CACNG2: variants seen among roughly 807,000 people sequenced by gnomAD.
CACNG2 encodes voltage-dependent calcium channel gamma-2 subunit.
CACNG2 carries 3 observed loss-of-function variants against 25.9 expected under a neutral mutation model. The observed-to-expected ratio is 0.12, with a 90% CI of 0.05 to 0.30. The LOEUF (loss-of-function observed/expected upper bound fraction) is 0.30, where lower values mean the gene tolerates loss of function less well. Among genes scored for constraint, CACNG2 ranks in the 10% least tolerant of loss-of-function variants. The pLI is 1.00. For missense variants in CACNG2, 341 were observed against 432.5 expected, an observed-to-expected ratio of 0.79 and a Z score of 1.88; for synonymous variants, 167 against 173.3, an observed-to-expected ratio of 0.96 and a Z score of 0.29.
chr22:36,561,319 TC>T lies in CACNG2; in HGVS notation c.*3031del, dbSNP rs1935024911. ...CTTCTCCCTTCGCTCTCATCCTTGATCCCTTTAGGTCTGGAATCTGGTGGGA... is the reference window on the plus strand; with the variant it reads ...CTTCTCCCTTCGCTCTCATCCTTGATCCTTTAGGTCTGGAATCTGGTGGGA... On this transcript the variant is annotated 3_prime_UTR_variant, in exon 4 of 4. Coordinates refer to ENST00000300105, the MANE Select transcript of CACNG2 (RefSeq NM_006078.5). The T allele has an allele frequency of 6.6e-6, 1 of 152,264 alleles. No individual in the cohort carries two copies. Among genetic ancestry groups the T allele is most frequent in the Admixed American group, 6.5e-5 (1 of 15,284 alleles). 9.4% of individuals were successfully genotyped at this position (152,264 alleles called of 1,614,324 possible). A position where few individuals can be genotyped will look rare whatever the true frequency, so the allele number is the denominator to read the frequency against.
chr22:36,605,883 A>G (rs1254500706), intron 1 of CACNG2, among the ~76,000 whole-genome samples: 2 of 152,154 alleles, frequency 1.3e-5, no homozygotes, highest in Admixed American at 1.3e-4. Flanking sequence ...ATCCTATGAA[A>G]CAGGATGGTT....
intron 1 of CACNG2, among the ~76,000 whole-genome samples, chr22:36,659,876 T>A (rs759203178): frequency 3.0e-4 from 45 of 152,064 alleles, no homozygotes; most frequent in Non-Finnish European, 6.0e-4. Context: ...CTCTTGCCTC[T>A]GGCTGCCTGA....
intron 2 of CACNG2, among the ~76,000 whole-genome samples, chr22:36,582,406 CTTTCTT>C (rs1935433108): frequency 1.0e-5 from 1 of 96,726 alleles, no homozygotes; most frequent in Non-Finnish European, 2.5e-5. Context: ...CTCTTTCTTT[CTTTCTT>C]TTTTTTTTTT....
In CACNG2 at chr22:36,679,197, C is replaced by CCTTTCTTTCTTTCTTTCTTTCTTT. The variant is rs1241104277; in HGVS notation, c.211+23145_211+23168dup. ...TCCTTCCTTCCTTCCTTCCTTCCTTCCTTTCTTTCTTTCTTTCTTTCTTTC... is the reference window on the plus strand; with the variant it reads ...TCCTTCCTTCCTTCCTTCCTTCCTTCCTTTCTTTCTTTCTTTCTTTCTTTCTTTCTTTCTTTCTTTCTTTCTTTC... On this transcript the variant is annotated intron_variant, in intron 1 of 3. Coordinates refer to ENST00000300105, the MANE Select transcript of CACNG2 (RefSeq NM_006078.5). Among the ~76,000 whole-genome samples the CCTTTCTTTCTTTCTTTCTTTCTTT allele has an allele frequency of 1.7e-3, 91 of 54,800 alleles. 3 individuals are homozygous for CCTTTCTTTCTTTCTTTCTTTCTTT. The highest frequency in any genetic ancestry group is 6.1e-3 in the African/African-American group (89 of 14,476). The allele number at this position is 54,800 out of a possible 152,430, so 36.0% of individuals were successfully genotyped here.
chr22:36,664,791 C>A (rs1275760389), intron 1 of CACNG2, among the ~76,000 whole-genome samples: 2 of 152,200 alleles, frequency 1.3e-5, no homozygotes, highest in African/African-American at 4.8e-5. Flanking sequence ...TAAGCATCAT[C>A]TCCTAATGTT....
intron 1 of CACNG2, among the ~76,000 whole-genome samples, chr22:36,645,910 C>G (rs1401419448): frequency 6.6e-6 from 1 of 152,154 alleles, no homozygotes; most frequent in African/African-American, 2.4e-5. Flanking sequence ...TATAAAATTA[C>G]CTGCATAGAG....
chr22:36,666,624 A>G (rs1337014415), intron 1 of CACNG2, among the ~76,000 whole-genome samples: 1 of 152,010 alleles, frequency 6.6e-6, no homozygotes, highest in African/African-American at 2.4e-5. Flanking sequence ...ACATGAAGGT[A>G]TCTAATGCCA....
intron 1 of CACNG2, among the ~76,000 whole-genome samples, chr22:36,688,488 C>A (rs1937228801): frequency 6.9e-6 from 1 of 143,964 alleles, no homozygotes; most frequent in Non-Finnish European, 1.5e-5. Flanking sequence ...TGCAGTGAGC[C>A]ATGATTGCAC....
chr22:36,606,837 CTG>C lies in CACNG2; in HGVS notation c.212-19291_212-19290del, dbSNP rs149028841. ...GTGTGATGTGTGTGTCTGTGGGTCT[CTG>C]TGTGTGTGTATGTATGTGTACGTGT... On this transcript the variant is annotated intron_variant, in intron 1 of 3. Transcript: ENST00000300105. The surrounding 1 kb of genome is among the most constrained non-coding windows in gnomAD (Gnocchi z 5.7). Among the ~76,000 whole-genome samples, 9 of 148,212 alleles carry C rather than the reference CTG, an allele frequency of 6.1e-5. No individual in the cohort carries two copies. The highest frequency in any genetic ancestry group is 1.8e-4 in the African/African-American group (7 of 39,944).
chr22:36,568,464 G>C (rs1436630136), intron 2 of CACNG2, among the ~76,000 whole-genome samples: 2 of 151,964 alleles, frequency 1.3e-5, no homozygotes, highest in African/African-American at 4.8e-5. Context: ...GAGTGTAGTG[G>C]TGTGATCTCG....
chr22:36,596,350 C>T (rs1483941141), intron 1 of CACNG2, among the ~76,000 whole-genome samples: 1 of 152,204 alleles, frequency 6.6e-6, no homozygotes, highest in Non-Finnish European at 1.5e-5. Flanking sequence ...ACCCCAGCCC[C>T]CTGGGGCACA....
At chr22:36,668,049 GGCA>G (rs1936897487) in intron 1 of CACNG2, among the ~76,000 whole-genome samples, 1 of 152,206 alleles carries the variant, frequency 6.6e-6, no homozygotes, top group Non-Finnish European at 1.5e-5. Context: ...CAGTCTCTGA[GGCA>G]GGTGATACTA....
At chr22:36,648,355 A>C (rs1223312941) in intron 1 of CACNG2, among the ~76,000 whole-genome samples, 1 of 152,260 alleles carries the variant, frequency 6.6e-6, no homozygotes, top group Non-Finnish European at 1.5e-5. Flanking sequence ...CCAATTCTTT[A>C]TCAGTGAAAT....
Position 36,563,372 on chromosome 22 carries a change from G to A in CACNG2, c.*979C>T, listed in dbSNP as rs990352245. ...AGAGCTGTTTCATGTCCCCCGGGGGGGGGGGTGGCATCTCCTGACCCCAAG... is the reference window on the plus strand; with the variant it reads ...AGAGCTGTTTCATGTCCCCCGGGGGAGGGGGTGGCATCTCCTGACCCCAAG... On this transcript the variant is annotated 3_prime_UTR_variant, in exon 4 of 4. Coordinates refer to ENST00000300105, the MANE Select transcript of CACNG2 (RefSeq NM_006078.5). 8.6e-5 allele frequency among the ~76,000 whole-genome samples: 13 copies of A among 151,858 alleles called. No individual in the cohort carries two copies. Among genetic ancestry groups the A allele is most frequent in the Non-Finnish European group, 1.6e-4 (11 of 67,898 alleles).
intron 1 of CACNG2, among the ~76,000 whole-genome samples, chr22:36,598,843 G>A (rs1420869821): frequency 6.6e-6 from 1 of 152,010 alleles, no homozygotes; most frequent in Non-Finnish European, 1.5e-5. Context: ...GCCAAGTGTG[G>A]TGGCACGCGC....
chr22:36,643,508 C>T (rs1346790476), intron 1 of CACNG2, among the ~76,000 whole-genome samples: 1 of 151,900 alleles, frequency 6.6e-6, no homozygotes, highest in East Asian at 1.9e-4. Context: ...ATCTATCTAT[C>T]TATCTATCTA....
chr22:36,599,581 T>C (rs1478611764), intron 1 of CACNG2, among the ~76,000 whole-genome samples: 3 of 152,102 alleles, frequency 2.0e-5, no homozygotes, highest in African/African-American at 7.2e-5. Flanking sequence ...ACACCTGTAG[T>C]CCCAGCTACT....
intron 1 of CACNG2, among the ~76,000 whole-genome samples, chr22:36,607,824 C>T (rs1001014842): frequency 2.0e-5 from 3 of 152,186 alleles, no homozygotes; most frequent in Admixed American, 6.5e-5. Flanking sequence ...CTCATCTTCT[C>T]AGCTCTGACT....
intron 1 of CACNG2, among the ~76,000 whole-genome samples, chr22:36,599,525 T>A (rs1935723575): frequency 6.6e-6 from 1 of 151,882 alleles, no homozygotes; most frequent in Non-Finnish European, 1.5e-5. Context: ...CATGGCGAAA[T>A]CCTGTCTCTA....
Sources: gnomAD v4.1 joint callset for allele counts (sites outside exome capture counted in the v4.1 genomes callset) on GRCh38, gnomAD v4.1.1 for gene constraint, Gnocchi (gnomAD v3.1) non-coding constraint, MANE v1.5 for transcripts, NCBI Gene and HGNC (gene_info 2026-07-23, HGNC 2026-07-21) for gene names.